The following TSPEAR variants were observed in gnomAD, a reference collection of about 807,000 sequenced individuals.
The protein encoded by TSPEAR is thrombospondin-type laminin G domain and EAR repeat-containing protein.
Under a neutral mutation model 71.6 loss-of-function variants are expected in TSPEAR, and 69 were observed. The observed-to-expected ratio is 0.96, with a 90% CI of 0.79 to 1.18. The LOEUF is 1.18. TSPEAR is among the 50% of genes most tolerant of loss of function. The probability of loss-of-function intolerance (pLI) is 0.00; values close to 1 mark genes in which losing one functional copy is unlikely to be tolerated. For missense variants in TSPEAR, 971 were observed against 894.9 expected, an observed-to-expected ratio of 1.09 and a Z score of -1.09; for synonymous variants, 402 against 387.2, an observed-to-expected ratio of 1.04 and a Z score of -0.45.
intron 9 of TSPEAR, chr21:44,519,932 C>T (rs2052697605): frequency 6.6e-6 from 1 of 152,318 alleles, no homozygotes; most frequent in Non-Finnish European, 1.5e-5. Context: ...CCACCACCTA[C>T]CTCCTGAGGC....
intron 1 of TSPEAR, chr21:44,657,966 A>C (rs1555942869): frequency 6.2e-7 from 1 of 1,610,144 alleles, no homozygotes; most frequent in Non-Finnish European, 8.5e-7. Flanking sequence ...GTACCAGCCC[A>C]GCCACACGCC....
chr21:44,575,575 A>T (rs923551315), intron 1 of TSPEAR, among the ~76,000 whole-genome samples: 2 of 152,184 alleles, frequency 1.3e-5, no homozygotes, highest in African/African-American at 4.8e-5. Flanking sequence ...GTTTGTCCCT[A>T]ACCCTCCTGT....
intron 1 of TSPEAR, chr21:44,579,571 G>T: frequency 1.4e-6 from 1 of 704,778 alleles, no homozygotes; most frequent in South Asian, 1.9e-5. Context: ...CCAACAGGCA[G>T]GTGGGCCCCT....
At position 44,558,482 on chromosome 21, in the gene TSPEAR, C is replaced by A. The variant is rs374002798; in HGVS notation, c.303+9303G>T. ...GCTGGCAGCTAGACTGCTGGCAGCA[C>A]GAGGGCGTGCAGGAGCTGGTGCAGC... On this transcript the variant is annotated intron_variant, in intron 2 of 11. Coordinates refer to ENST00000323084, the MANE Select transcript of TSPEAR (RefSeq NM_144991.3). 1.5e-5 allele frequency: 25 copies of A among 1,613,800 alleles called. No homozygotes were observed. The East Asian group carries it at 5.1e-4, about 33-fold the overall frequency.
chr21:44,523,030 G>A (rs1349089224), intron 8 of TSPEAR, among the ~76,000 whole-genome samples: 1 of 152,200 alleles, frequency 6.6e-6, no homozygotes, highest in Admixed American at 6.5e-5. Flanking sequence ...AGTTAGTCAA[G>A]TAGTCAGTCA....
At chr21:44,577,083 G>C (rs191270308) in intron 1 of TSPEAR, among the ~76,000 whole-genome samples, 3 of 152,280 alleles carry the variant, frequency 2.0e-5, no homozygotes, top group Admixed American at 6.5e-5. Flanking sequence ...GAAATATCTG[G>C]AATAAAATGA....
chr21:44,528,063 G>A (rs2052893053), intron 6 of TSPEAR, among the ~76,000 whole-genome samples: 1 of 152,190 alleles, frequency 6.6e-6, no homozygotes, highest in Non-Finnish European at 1.5e-5. Context: ...CAGGGAGGCA[G>A]GCATTGTCTT....
chr21:44,580,063 G>T, intron 1 of TSPEAR: 1 of 1,595,008 alleles, frequency 6.3e-7, no homozygotes, highest in Non-Finnish European at 8.6e-7. Flanking sequence ...CAGGCACGTA[G>T]CAGGACTGCT....
chr21:44,644,460 A>G (rs1251502310), intron 1 of TSPEAR, among the ~76,000 whole-genome samples: 1 of 152,256 alleles, frequency 6.6e-6, no homozygotes, highest in Non-Finnish European at 1.5e-5. Flanking sequence ...TTAAAGAGTT[A>G]TAAAAAATGA....
intron 10 of TSPEAR, 185 bp downstream of exon 10, chr21:44,509,014 C>T (rs1601326377): frequency 6.7e-7 from 1 of 1,487,722 alleles, no homozygotes; most frequent in East Asian, 2.5e-5. Flanking sequence ...ACTGACTTCC[C>T]CAGGCCAGGA....
chr21:44,556,618 G>T (rs958080025), intron 2 of TSPEAR, among the ~76,000 whole-genome samples: 1 of 152,146 alleles, frequency 6.6e-6, no homozygotes, highest in Non-Finnish European at 1.5e-5. Flanking sequence ...CTTGAATCTG[G>T]GAGGTGGAGG....
intron 2 of TSPEAR, among the ~76,000 whole-genome samples, chr21:44,566,374 T>A (rs2053703702): frequency 6.6e-6 from 1 of 152,152 alleles, no homozygotes; most frequent in Non-Finnish European, 1.5e-5. Context: ...TGGAAAAGCA[T>A]CATACGTTCA....
chr21:44,600,474 A>G, intron 1 of TSPEAR: 1 of 921,874 alleles, frequency 1.1e-6, no homozygotes, highest in Non-Finnish European at 1.6e-6. Flanking sequence ...CAAACAAGGA[A>G]GGGGCAGGAG....
intron 9 of TSPEAR, chr21:44,515,398 T>G (rs1434293898): frequency 1.3e-5 from 2 of 152,442 alleles, no homozygotes; most frequent in African/African-American, 4.8e-5. Context: ...AGGTCCCCGT[T>G]CCCGGAGTTC....
intron 1 of TSPEAR, chr21:44,702,092 G>T: frequency 1.2e-6 from 1 of 819,320 alleles, no homozygotes; most frequent in Non-Finnish European, 1.9e-6. Flanking sequence ...CTATGAGAGG[G>T]AGGCAGGGAA....
chr21:44,557,506 C>A (rs587707284), intron 2 of TSPEAR, among the ~76,000 whole-genome samples: 1 of 152,048 alleles, frequency 6.6e-6, no homozygotes, highest in Non-Finnish European at 1.5e-5. Context: ...GGGGGTCAGA[C>A]AGGCAGAGGA....
In TSPEAR at chr21:44,580,079, G is replaced by A. The variant is rs117046341; in HGVS notation, c.83-12074C>T. 1.4e-5 allele frequency: 22 copies of A among 1,613,666 alleles called. No individual in the cohort carries two copies. In the East Asian group the frequency reaches 4.7e-4, roughly 34 times the overall value. ...AGGCACGTAGCAGGACTGCTGGCAG[G>A]GGGAGGAGGTGCAGCAAGTCGGCTG... On this transcript the variant is annotated intron_variant, in intron 1 of 11. Coordinates refer to ENST00000323084, the MANE Select transcript of TSPEAR (RefSeq NM_144991.3).
intron 2 of TSPEAR, chr21:44,558,491 G>C: frequency 6.2e-7 from 1 of 1,613,976 alleles, no homozygotes; most frequent in Non-Finnish European, 8.5e-7. Flanking sequence ...ACGAGGGCGT[G>C]CAGGAGCTGG....
At chr21:44,671,721 T>C (rs1348237181) in intron 1 of TSPEAR, among the ~76,000 whole-genome samples, 8 of 151,928 alleles carry the variant, frequency 5.3e-5, no homozygotes, top group Non-Finnish European at 1.2e-4. Context: ...AAAAAGCCAG[T>C]CCCCAAAATT....
Sources: gnomAD v4.1 joint callset for allele counts (sites outside exome capture counted in the v4.1 genomes callset) on GRCh38, gnomAD v4.1.1 for gene constraint, MANE v1.5 for transcripts, NCBI Gene and HGNC (gene_info 2026-07-23, HGNC 2026-07-21) for gene names.